Variants in SFSWAP observed in about 807,000 individuals in gnomAD.
The protein encoded by SFSWAP is splicing factor SWAP.
SFSWAP carries 17 observed loss-of-function variants against 100.7 expected under a neutral mutation model. The observed-to-expected ratio is 0.17, with a 90% CI of 0.12 to 0.25. The LOEUF (loss-of-function observed/expected upper bound fraction) is 0.25. SFSWAP is among the 10% of genes least tolerant of loss of function. The probability of loss-of-function intolerance (pLI) is 1.00; values close to 1 mark genes in which losing one functional copy is unlikely to be tolerated. For synonymous variants in SFSWAP, 504 were observed against 510.1 expected, an observed-to-expected ratio of 0.99 and a Z score of 0.16; for missense variants, 1,005 against 1,262.6, an observed-to-expected ratio of 0.80 and a Z score of 3.09.
intron 3 of SFSWAP, 143 bp from the exon 4 acceptor site, chr12:131,719,311 A>C (rs1878239101): frequency 1.6e-6 from 1 of 643,372 alleles, no homozygotes; most frequent in Non-Finnish European, 2.7e-6. Flanking sequence ...GTAGAAGAGA[A>C]AGCTGAAGAT....
At chr12:131,746,931 G>T (rs34608281) in intron 7 of SFSWAP, among the ~76,000 whole-genome samples, 4 of 151,716 alleles carry the variant, frequency 2.6e-5, no homozygotes, top group Non-Finnish European at 5.9e-5. Context: ...GGTGAAACCC[G>T]GTCTCTACTA....
rs1878831018 is a variant in SFSWAP at position 131,725,077 on chromosome 12, CA to C, written c.607-327del. Among the ~76,000 whole-genome samples the C allele has an allele frequency of 6.6e-6, 1 of 152,216 alleles. No homozygotes were observed. The highest frequency in any genetic ancestry group is 2.4e-5 in the African/African-American group (1 of 41,450). On this transcript the variant is annotated intron_variant, in intron 4 of 17. Coordinates refer to ENST00000261674, the MANE Select transcript of SFSWAP (RefSeq NM_004592.4). This position sits in a 1 kb window ranked among gnomAD's most constrained non-coding sequence, Gnocchi z 4.3. Reference sequence around the variant, plus strand: ...AGTGCTTGTTTGTAAAATTCACATGCACAGAGGATTCACAAACCCCCTGAAT... The same window carrying C: ...AGTGCTTGTTTGTAAAATTCACATGCCAGAGGATTCACAAACCCCCTGAAT...
chr12:131,775,969 G>T lies in SFSWAP; in HGVS notation c.2143-2096G>T, dbSNP rs529105455. On this transcript the variant is annotated intron_variant, in intron 13 of 17. Transcript: ENST00000261674. ...AAAAAAAAATTAGCTGAGCATGATGGCACATGCCTGTAATCCCAGCTACTC... is the reference window on the plus strand; with the variant it reads ...AAAAAAAAATTAGCTGAGCATGATGTCACATGCCTGTAATCCCAGCTACTC... Among the ~76,000 whole-genome samples the T allele has an allele frequency of 2.3e-3, 346 of 151,890 alleles. 1 individual carries two copies. The highest frequency in any genetic ancestry group is 7.9e-3 in the African/African-American group (329 of 41,410).
At chr12:131,736,661 CTTCGTGTT>C (rs1228140993) in intron 7 of SFSWAP, among the ~76,000 whole-genome samples, 1 of 151,964 alleles carries the variant, frequency 6.6e-6, no homozygotes, top group Non-Finnish European at 1.5e-5. Flanking sequence ...GGATGTGAGG[CTTCGTGTT>C]ACAGTAGAAA....
intron 15 of SFSWAP, among the ~76,000 whole-genome samples, chr12:131,790,673 A>G (rs1302216100): frequency 6.6e-6 from 1 of 152,194 alleles, no homozygotes. Context: ...ATCTTATTGT[A>G]GCAAATACAA....
At position 131,730,843 on chromosome 12, in the gene SFSWAP, G is replaced by A. The variant is rs967179037; in HGVS notation, c.1081+2415G>A. Among the ~76,000 whole-genome samples the A allele has an allele frequency of 8.5e-5, 13 of 152,332 alleles. No homozygotes were observed. The highest frequency in any genetic ancestry group is 6.8e-3 in the Middle Eastern group (2 of 294). ...CCTCTCCTCCCCTCAATACGGTGCC[G>A]TTGTTTTGAAACTCATCGTCTCCCC... On this transcript the variant is annotated intron_variant, in intron 7 of 17. Transcript: ENST00000261674. This position sits in a 1 kb window ranked among gnomAD's most constrained non-coding sequence, Gnocchi z 4.0.
chr12:131,736,569 C>T (rs1026236670), intron 7 of SFSWAP, among the ~76,000 whole-genome samples: 12 of 152,120 alleles, frequency 7.9e-5, no homozygotes, highest in Non-Finnish European at 1.5e-4. Context: ...TCACAGGCAT[C>T]GTGTCCGCCG....
intron 14 of SFSWAP, among the ~76,000 whole-genome samples, chr12:131,779,010 A>T (rs1884246310): frequency 6.6e-6 from 1 of 151,468 alleles, no homozygotes; most frequent in African/African-American, 2.4e-5. Context: ...TCAAATGTGT[A>T]AAGTTGCAAG....
chr12:131,737,123 G>A (rs1325274453), intron 7 of SFSWAP, among the ~76,000 whole-genome samples: 2 of 152,190 alleles, frequency 1.3e-5, no homozygotes, highest in African/African-American at 2.4e-5. Context: ...GTGTGCTCTC[G>A]CGGTGGGCTG....
intron 3 of SFSWAP, among the ~76,000 whole-genome samples, chr12:131,719,156 A>G (rs1878216196): frequency 6.6e-6 from 1 of 151,672 alleles, no homozygotes; most frequent in Admixed American, 6.6e-5. Flanking sequence ...TGGTGTCTGC[A>G]AGGGTCCTAG....
Position 131,725,577 on chromosome 12 carries a change from T to C in SFSWAP, c.779T>C (p.Met260Thr). The C allele has an allele frequency of 6.2e-7, 1 of 1,613,980 alleles. No homozygotes were observed. Among genetic ancestry groups the C allele is most frequent in the South Asian group, 1.1e-5 (1 of 91,072 alleles). The stretch of plus-strand genomic sequence containing the variant: ...TACTATAAGTTCATCCAGAAAGCCA[T>C]GAAAGAGGGACGCTACACTGTCCTG... ...NPYYKFIQKA[M>T]KEGRYTVLAE... Residue 260 changes from methionine to threonine, a missense_variant, in exon 5 of 18, where the codon ATG becomes ACG. Coordinates refer to ENST00000261674, the MANE Select transcript of SFSWAP (RefSeq NM_004592.4). This position sits in a 1 kb window ranked among gnomAD's most constrained non-coding sequence, Gnocchi z 4.3.
At chr12:131,798,921 G>C in intron 16 of SFSWAP, 116 bp from the exon 17 acceptor site, 1 of 719,868 alleles carries the variant, frequency 1.4e-6, no homozygotes, top group Non-Finnish European at 2.5e-6. Context: ...GGAAGCAGAT[G>C]CAGTGGGCAC....
At position 131,711,496 on chromosome 12, in the gene SFSWAP, G is replaced by T; in HGVS notation, c.218+49G>T. 6.8e-7 allele frequency: 1 copy of T among 1,460,706 alleles called. No individual in the cohort carries two copies. Among genetic ancestry groups the T allele is most frequent in the South Asian group, 1.1e-5 (1 of 87,394 alleles). The allele number at this position is 1,460,706 out of a possible 1,614,324, so 90.5% of individuals were successfully genotyped here. A position where few individuals can be genotyped will look rare whatever the true frequency, so the allele number is the denominator to read the frequency against. ...GATCCTTCCCTTCCCTCACCCGCTT[G>T]ATCTCGTCTGATGTTGACTTGACTG... On this transcript the variant is annotated intron_variant, in intron 1 of 17. Transcript: ENST00000261674. The surrounding 1 kb of genome is among the most constrained non-coding windows in gnomAD (Gnocchi z 4.9).
intron 13 of SFSWAP, among the ~76,000 whole-genome samples, chr12:131,776,769 G>C (rs755610662): frequency 6.6e-5 from 10 of 152,208 alleles, no homozygotes; most frequent in Non-Finnish European, 8.8e-5. Flanking sequence ...ATAAATTGCA[G>C]ATTTTTCACT....
At chr12:131,716,678 T>G (rs956140277) in intron 3 of SFSWAP, among the ~76,000 whole-genome samples, 2 of 152,232 alleles carry the variant, frequency 1.3e-5, no homozygotes, top group African/African-American at 4.8e-5. Context: ...TTTGTTTACA[T>G]ATTGTCTGTT....
chr12:131,753,682 G>C (rs1292226534), intron 8 of SFSWAP, among the ~76,000 whole-genome samples: 4 of 152,224 alleles, frequency 2.6e-5, no homozygotes, highest in African/African-American at 9.7e-5. Flanking sequence ...GGCAAAATCA[G>C]TATGCAGTGA....
intron 10 of SFSWAP, among the ~76,000 whole-genome samples, chr12:131,755,745 A>G (rs1224317247): frequency 6.6e-6 from 1 of 152,150 alleles, no homozygotes; most frequent in Non-Finnish European, 1.5e-5. Context: ...TGTTCCTTCA[A>G]CTGTTCGATG....
chr12:131,763,170 G>A (rs1221302165), intron 11 of SFSWAP, among the ~76,000 whole-genome samples: 1 of 152,178 alleles, frequency 6.6e-6, no homozygotes, highest in Non-Finnish European at 1.5e-5. Flanking sequence ...ACGCGGGTTT[G>A]GAGCCATAAA....
At chr12:131,769,406 T>C (rs1462229794) in intron 13 of SFSWAP, among the ~76,000 whole-genome samples, 1 of 152,158 alleles carries the variant, frequency 6.6e-6, no homozygotes. Context: ...TTGAAAGACA[T>C]TCACAGGAAT....
Sources: allele counts gnomAD v4.1 joint callset (sites outside exome capture counted in the v4.1 genomes callset), GRCh38; gene constraint gnomAD v4.1.1; non-coding constraint Gnocchi (gnomAD v3.1); transcripts MANE v1.5; gene names NCBI Gene and HGNC (gene_info 2026-07-23, HGNC 2026-07-21).